Variants in KIF26B observed in about 807,000 individuals in gnomAD.
KIF26B encodes the protein kinesin-like protein KIF26B.
A neutral mutation model predicts 151.2 loss-of-function variants in KIF26B; 63 were observed. The observed-to-expected ratio is 0.42, with a 90% CI of 0.34 to 0.51. KIF26B has a LOEUF of 0.51. KIF26B is among the 20% of genes least tolerant of loss of function. KIF26B has a pLI of 0.07. For synonymous variants in KIF26B, 1,357 were observed against 1,262.1 expected, an observed-to-expected ratio of 1.08 and a Z score of -1.59; for missense variants, 2,813 against 2,913.6, an observed-to-expected ratio of 0.97 and a Z score of 0.79.
At chr1:245,424,055 G>A (rs561362762) in intron 4 of KIF26B, among the ~76,000 whole-genome samples, 3 of 152,124 alleles carry the variant, frequency 2.0e-5, no homozygotes, top group African/African-American at 7.2e-5. Flanking sequence ...TGTTGCGCAC[G>A]CTGGTCTTGA....
chr1:245,617,186 C>T (rs2043600020), intron 9 of KIF26B, among the ~76,000 whole-genome samples: 1 of 152,216 alleles, frequency 6.6e-6, no homozygotes, highest in African/African-American at 2.4e-5. Context: ...ACTTCCACCT[C>T]CTGGGTTCCC....
intron 3 of KIF26B, among the ~76,000 whole-genome samples, chr1:245,380,662 G>A (rs1391453323): frequency 6.6e-6 from 1 of 152,124 alleles, no homozygotes; most frequent in Non-Finnish European, 1.5e-5. Flanking sequence ...TCAAACACAG[G>A]TCTCCCATGC....
At chr1:245,435,141 A>T (rs1334176321) in intron 4 of KIF26B, among the ~76,000 whole-genome samples, 9 of 150,412 alleles carry the variant, frequency 6.0e-5, no homozygotes, top group Admixed American at 1.3e-4. Flanking sequence ...CCATCCATCC[A>T]TCCATCCATC....
At chr1:245,402,211 C>T (rs1674019622) in intron 3 of KIF26B, among the ~76,000 whole-genome samples, 1 of 152,250 alleles carries the variant, frequency 6.6e-6, no homozygotes, top group South Asian at 2.1e-4. Context: ...AGAACTCCCA[C>T]TTACTGTATT....
intron 2 of KIF26B, among the ~76,000 whole-genome samples, chr1:245,364,703 A>G (rs111657567): frequency 0.02 from 3,061 of 152,158 alleles, 90 homozygotes; most frequent in African/African-American, 0.07. Context: ...TACAGGCATG[A>G]GCCACCGCGC....
chr1:245,192,437 G>T (rs1191340220), intron 2 of KIF26B, among the ~76,000 whole-genome samples: 1 of 151,624 alleles, frequency 6.6e-6, no homozygotes, highest in Non-Finnish European at 1.5e-5. Flanking sequence ...TTCCTAAAAG[G>T]GCATACATTA....
intron 14 of KIF26B, 74 bp downstream of exon 14, chr1:245,699,111 GGTGACA>G: frequency 6.8e-7 from 1 of 1,464,938 alleles, no homozygotes; most frequent in Non-Finnish European, 9.4e-7. Context: ...TGTAGCCCAG[GGTGACA>G]GTGACACAGG....
chr1:245,571,798 G>T (rs557639156), intron 5 of KIF26B, among the ~76,000 whole-genome samples: 2 of 152,154 alleles, frequency 1.3e-5, no homozygotes, highest in Non-Finnish European at 2.9e-5. Flanking sequence ...TCTAGTTCAC[G>T]CCCTGTAAGG....
At position 245,400,522 on chromosome 1, in the gene KIF26B, A is replaced by G. The variant is rs1368171341; in HGVS notation, c.1000-19057A>G. ...TTTTTTTTTTGAAATTACCTTGGCT[A>G]CTTGAGGATTCTCTACACCCCTGCT... On this transcript the variant is annotated intron_variant, in intron 3 of 14. Transcript: ENST00000407071. Among the ~76,000 whole-genome samples, 3 of 133,498 alleles carry G rather than the reference A, an allele frequency of 2.2e-5. No homozygotes were observed. In the East Asian group the frequency reaches 6.6e-4, roughly 29 times the overall value. The allele number at this position is 133,498 out of a possible 152,430, so 87.6% of individuals were successfully genotyped here.
intron 9 of KIF26B, among the ~76,000 whole-genome samples, chr1:245,619,760 A>C (rs1161482520): frequency 6.6e-6 from 1 of 151,582 alleles, no homozygotes; most frequent in East Asian, 1.9e-4. Context: ...TAAAAATACA[A>C]AAATTAGCCA....
chr1:245,609,405 C>A lies in KIF26B; in HGVS notation c.1791C>A (p.Ala597=), dbSNP rs372844982. 1.5e-4 allele frequency: 246 copies of A among 1,609,262 alleles called. 2 individuals are homozygous for A. In the African/African-American group the frequency reaches 2.7e-3, roughly 17 times the overall value. ...CCCGTTTCTCAGTCCGGGTTTCCGC[C>A]GTGGAAGTGTGGGGGAAGGAGGAGA... ...TGARFSVRVS[A]VEVWGKEENL... is the part of the protein sequence containing the mutation. Residue 597 remains alanine (A), a synonymous_variant, in exon 8 of 15, where the codon GCC becomes GCA. Transcript: ENST00000407071.
chr1:245,344,896 A>T (rs1421406750), intron 2 of KIF26B, among the ~76,000 whole-genome samples: 1 of 152,068 alleles, frequency 6.6e-6, no homozygotes, highest in African/African-American at 2.4e-5. Context: ...AAAACAGGTG[A>T]TACCGCTTCT....
At chr1:245,623,026 G>GTT (rs56666383) in intron 9 of KIF26B, among the ~76,000 whole-genome samples, 115 of 111,868 alleles carry the variant, frequency 1.0e-3, no homozygotes, top group Middle Eastern at 5.5e-3. Context: ...TCGTGAGCAA[G>GTT]TTTTTTTTTT....
chr1:245,455,793 A>G (rs1443320025), intron 4 of KIF26B, among the ~76,000 whole-genome samples: 2 of 152,182 alleles, frequency 1.3e-5, no homozygotes, highest in African/African-American at 2.4e-5. Flanking sequence ...GAGGCCAGAG[A>G]GGCCTTGCTG....
Position 245,280,607 on chromosome 1 carries a change from T to TTG in KIF26B, c.466-86226_466-86225insGT, listed in dbSNP as rs1553341059. ...CCTTGGGAAGTTTTCGTTTTTTTTT[T>TTG]TTTTTTTTTTTTATACTTTAAGTTT... On this transcript the variant is annotated intron_variant, in intron 2 of 14. Transcript: ENST00000407071. 1.9e-3 allele frequency among the ~76,000 whole-genome samples: 282 copies of TTG among 146,806 alleles called. 2 individuals carry two copies. The highest frequency in any genetic ancestry group is 6.8e-3 in the African/African-American group (269 of 39,520).
At chr1:245,384,677 G>A (rs1030041830) in intron 3 of KIF26B, among the ~76,000 whole-genome samples, 15 of 152,148 alleles carry the variant, frequency 9.9e-5, no homozygotes, top group African/African-American at 3.4e-4. Context: ...CGTATTTATG[G>A]AGTCCTGAAC....
chr1:245,380,690 C>T (rs1256163644), intron 3 of KIF26B, among the ~76,000 whole-genome samples: 1 of 152,078 alleles, frequency 6.6e-6, no homozygotes, highest in Non-Finnish European at 1.5e-5. Flanking sequence ...CCTGCCCCTG[C>T]CCCAGCCCCT....
intron 10 of KIF26B, among the ~76,000 whole-genome samples, chr1:245,662,963 GTCTT>G (rs1209358455): frequency 3.3e-4 from 26 of 79,552 alleles, no homozygotes; most frequent in African/African-American, 1.3e-3. Context: ...GGTCACCTCT[GTCTT>G]TTTTTTTTTT....
At chr1:245,285,431 A>G (rs1365600943) in intron 2 of KIF26B, among the ~76,000 whole-genome samples, 2 of 152,328 alleles carry the variant, frequency 1.3e-5, no homozygotes, top group African/African-American at 4.8e-5. Context: ...GTCTAGATAC[A>G]GGTAGAGAAT....
Sources: gnomAD v4.1 joint callset for allele counts (sites outside exome capture counted in the v4.1 genomes callset) on GRCh38, gnomAD v4.1.1 for gene constraint, MANE v1.5 for transcripts, NCBI Gene and HGNC (gene_info 2026-07-23, HGNC 2026-07-21) for gene names.